Variants in PTPRD observed in about 807,000 individuals in gnomAD.
PTPRD encodes the protein protein tyrosine phosphatase receptor type D.
Under a neutral mutation model 214.5 loss-of-function variants are expected in PTPRD, and 34 were observed. That is an observed-to-expected ratio of 0.16 (90% CI 0.12 to 0.21). The LOEUF is 0.21. PTPRD is among the 10% of genes least tolerant of loss of function. The probability of loss-of-function intolerance (pLI) is 1.00; values close to 1 mark genes in which losing one functional copy is unlikely to be tolerated. For missense variants in PTPRD, 2,545 were observed against 2,398.7 expected (o/e 1.06, Z -1.27); for synonymous variants, 1,128 against 845.7 (o/e 1.33, Z -5.79).
intron 10 of PTPRD, among the ~76,000 whole-genome samples, chr9:9,070,356 GAA>G (rs1396716246): frequency 6.6e-6 from 1 of 152,002 alleles, no homozygotes; most frequent in Non-Finnish European, 1.5e-5. Flanking sequence ...TAGAAATATA[GAA>G]AAACAGTTAT....
intron 3 of PTPRD, among the ~76,000 whole-genome samples, chr9:10,263,851 G>C (rs1468736306): frequency 2.0e-5 from 3 of 152,114 alleles, no homozygotes; most frequent in Non-Finnish European, 2.9e-5. Context: ...TGGAGGCATA[G>C]GAGGAAAAAT....
intron 4 of PTPRD, among the ~76,000 whole-genome samples, chr9:9,986,468 A>G (rs980582780): frequency 1.3e-5 from 2 of 152,164 alleles, no homozygotes; most frequent in Non-Finnish European, 2.9e-5. Flanking sequence ...ATAATTATAA[A>G]GTAATATCAC....
intron 3 of PTPRD, among the ~76,000 whole-genome samples, chr9:10,194,228 C>T (rs966614445): frequency 2.0e-5 from 3 of 151,424 alleles, no homozygotes; most frequent in South Asian, 4.2e-4. Context: ...TCAGAATTTA[C>T]CCTAGTTACT....
At chr9:9,141,765 A>T (rs1047356520) in intron 10 of PTPRD, among the ~76,000 whole-genome samples, 3 of 151,130 alleles carry the variant, frequency 2.0e-5, no homozygotes, top group African/African-American at 7.3e-5. Flanking sequence ...ATGCATATTA[A>T]TATAAACATA....
At chr9:10,505,835 A>T (rs992097999) in intron 2 of PTPRD, among the ~76,000 whole-genome samples, 1 of 150,978 alleles carries the variant, frequency 6.6e-6, no homozygotes, top group Admixed American at 6.7e-5. Flanking sequence ...TAACAGAATT[A>T]TGTTTTACAT....
At chr9:9,848,954 A>G (rs1319590115) in intron 5 of PTPRD, among the ~76,000 whole-genome samples, 2 of 152,036 alleles carry the variant, frequency 1.3e-5, no homozygotes, top group Non-Finnish European at 2.9e-5. Flanking sequence ...TATTTATTGA[A>G]TAATCCAACA....
chr9:9,235,560 G>T (rs901611525), intron 9 of PTPRD, among the ~76,000 whole-genome samples: 4 of 152,002 alleles, frequency 2.6e-5, no homozygotes, highest in African/African-American at 9.7e-5. Context: ...CCTTATGAGG[G>T]GTGAGAAAAG....
intron 8 of PTPRD, among the ~76,000 whole-genome samples, chr9:9,430,395 T>G (rs202207492): frequency 1.4e-5 from 2 of 145,712 alleles, no homozygotes; most frequent in Non-Finnish European, 3.1e-5. Flanking sequence ...GCTCAACAAA[T>G]TAAAAGAGGA....
intron 5 of PTPRD, among the ~76,000 whole-genome samples, chr9:9,918,185 A>C (rs773769584): frequency 5.3e-5 from 8 of 152,016 alleles, no homozygotes; most frequent in Non-Finnish European, 7.4e-5. Context: ...CAGACTTGAT[A>C]AATAAATTCA....
chr9:9,940,264 C>A (rs7871307), intron 4 of PTPRD, among the ~76,000 whole-genome samples: 12,757 of 152,018 alleles, frequency 0.084, 1,764 homozygotes, highest in African/African-American at 0.29. Context: ...AGATGGAAGT[C>A]TGAGGATAAA....
intron 5 of PTPRD, among the ~76,000 whole-genome samples, chr9:9,928,787 C>CACACACAA (rs1367819568): frequency 6.6e-6 from 1 of 151,790 alleles, no homozygotes; most frequent in East Asian, 1.9e-4. Context: ...CACACACACA[C>CACACACAA]AATTTGCATT....
intron 3 of PTPRD, among the ~76,000 whole-genome samples, chr9:10,127,842 T>G (rs370142605): frequency 6.6e-6 from 1 of 152,118 alleles, no homozygotes; most frequent in East Asian, 1.9e-4. Context: ...GAAGTGGAAG[T>G]TTTTAAATTC....
chr9:9,050,634 T>C (rs2099683124), intron 10 of PTPRD, among the ~76,000 whole-genome samples: 1 of 152,072 alleles, frequency 6.6e-6, no homozygotes, highest in South Asian at 2.1e-4. Context: ...TGATGAAATC[T>C]CAGACAGTCT....
In PTPRD at chr9:10,562,734, T is replaced by C. The variant is rs571937316; in HGVS notation, c.-600+49664A>G. Among the ~76,000 whole-genome samples the C allele has an allele frequency of 1.6e-4, 25 of 152,256 alleles. No homozygotes were observed. In the South Asian group the frequency reaches 4.8e-3, roughly 29 times the overall value. On this transcript the variant is annotated intron_variant, in intron 2 of 45. Coordinates refer to ENST00000381196, the MANE Select transcript of PTPRD (RefSeq NM_002839.4). ...CAAATTTTCTACATGCATAGAATAG[T>C]CCAAATGACACAGCACAATGAGTCA... is the stretch of plus-strand genomic sequence containing the variant.
intron 5 of PTPRD, among the ~76,000 whole-genome samples, chr9:9,867,287 T>A (rs1039308695): frequency 7.9e-5 from 12 of 152,114 alleles, no homozygotes; most frequent in African/African-American, 2.9e-4. Context: ...AAATGGGAGT[T>A]CTTAGGCAGC....
intron 4 of PTPRD, among the ~76,000 whole-genome samples, chr9:9,953,093 T>C (rs1005106577): frequency 2.6e-5 from 4 of 152,176 alleles, no homozygotes; most frequent in African/African-American, 9.7e-5. Context: ...ACCCACATCA[T>C]ATGTCTATTA....
At chr9:10,258,060 C>T (rs2093417192) in intron 3 of PTPRD, among the ~76,000 whole-genome samples, 1 of 152,026 alleles carries the variant, frequency 6.6e-6, no homozygotes, top group African/African-American at 2.4e-5. Flanking sequence ...GTGAGTCAGT[C>T]GGTAGATTTC....
chr9:8,900,779 G>A (rs1022251992), intron 11 of PTPRD, among the ~76,000 whole-genome samples: 13 of 152,144 alleles, frequency 8.5e-5, no homozygotes, highest in Admixed American at 2.6e-4. Context: ...GGGGAAAATG[G>A]TCCCAAAGAA....
At chr9:9,407,105 A>G (rs2073751973) in intron 8 of PTPRD, among the ~76,000 whole-genome samples, 1 of 151,824 alleles carries the variant, frequency 6.6e-6, no homozygotes. Context: ...TACCACCACC[A>G]TTTAAGTTCA....
Sources: gnomAD v4.1 joint callset for allele counts (sites outside exome capture counted in the v4.1 genomes callset) on GRCh38, gnomAD v4.1.1 for gene constraint, MANE v1.5 for transcripts, NCBI Gene and HGNC (gene_info 2026-07-23, HGNC 2026-07-21) for gene names.